The following TMEM233 variants were observed in gnomAD, a reference collection of about 807,000 sequenced individuals.
TMEM233 encodes dispanin subfamily B member 2.
TMEM233 carries 6 observed loss-of-function variants against 11.2 expected under a neutral mutation model. That is an observed-to-expected ratio of 0.54 (90% CI 0.29 to 1.06). The LOEUF is 1.06. TMEM233 is among the 50% of genes least tolerant of loss of function. The pLI is 0.08. For missense variants in TMEM233, 127 were observed against 144.7 expected (o/e 0.88, Z 0.63); for synonymous variants, 59 against 55.8 (o/e 1.06, Z -0.26).
chr12:119,595,072 C>T lies in TMEM233; in HGVS notation c.186+1038C>T, dbSNP rs1252310628. 6.6e-6 allele frequency among the ~76,000 whole-genome samples: 1 copy of T among 152,242 alleles called. No individual in the cohort carries two copies. Among genetic ancestry groups the T allele is most frequent in the Admixed American group, 6.5e-5 (1 of 15,292 alleles). ...CCGCTGGGGCCTCTAGTCCGCCCTT[C>T]CGGAGCTCAGCTCCCTAGCCCTCTT... On this transcript the variant is annotated intron_variant, in intron 1 of 2. Coordinates refer to ENST00000426426, the MANE Select transcript of TMEM233 (RefSeq NM_001136534.3). This position sits in a 1 kb window ranked among gnomAD's most constrained non-coding sequence, Gnocchi z 4.3.
At chr12:119,614,925 C>T (rs924035617) in intron 1 of TMEM233, among the ~76,000 whole-genome samples, 1 of 151,060 alleles carries the variant, frequency 6.6e-6, no homozygotes, top group Non-Finnish European at 1.5e-5. Flanking sequence ...TCCTGGCTTC[C>T]CCTTTGGCCT....
chr12:119,648,321 T>G, the TMEM233 span, among the ~76,000 whole-genome samples: 1 of 152,246 alleles, frequency 6.6e-6, no homozygotes, highest in African/African-American at 2.4e-5. Flanking sequence ...GCAGAGACCT[T>G]GTCTGTTCTG....
At chr12:119,631,856 A>G (rs1450139174) in intron 2 of TMEM233, among the ~76,000 whole-genome samples, 1 of 152,250 alleles carries the variant, frequency 6.6e-6, no homozygotes, top group East Asian at 1.9e-4. Context: ...TGGATGACCC[A>G]CAGAATGTGT....
chr12:119,615,582 G>A, intron 1 of TMEM233, among the ~76,000 whole-genome samples: 1 of 152,188 alleles, frequency 6.6e-6, no homozygotes, highest in East Asian at 1.9e-4. Flanking sequence ...TGGGAACCAT[G>A]AATACAGGGA....
At chr12:119,607,940 A>G (rs944283464) in intron 1 of TMEM233, among the ~76,000 whole-genome samples, 9 of 152,212 alleles carry the variant, frequency 5.9e-5, no homozygotes, top group African/African-American at 1.9e-4. Flanking sequence ...TCTAAATCAT[A>G]TATCATTCCA....
intron 1 of TMEM233, among the ~76,000 whole-genome samples, chr12:119,608,590 G>C (rs1954332073): frequency 6.6e-6 from 1 of 152,192 alleles, no homozygotes; most frequent in Non-Finnish European, 1.5e-5. Flanking sequence ...CTGCCGCCAT[G>C]GTTAAGAAGC....
chr12:119,625,868 T>C (rs1357516461), intron 1 of TMEM233, among the ~76,000 whole-genome samples: 2 of 152,202 alleles, frequency 1.3e-5, no homozygotes, highest in Non-Finnish European at 2.9e-5. Context: ...TCAAGAAATT[T>C]AACATTATTA....
At chr12:119,631,825 A>C (rs1489993268) in intron 2 of TMEM233, 1 of 209,246 alleles carries the variant, frequency 4.8e-6, no homozygotes, top group Non-Finnish European at 8.3e-6. Context: ...CCCATTTCAT[A>C]AAGCTATTGT....
chr12:119,595,216 C>A lies in TMEM233; in HGVS notation c.186+1182C>A, dbSNP rs550343266. 1.7e-3 allele frequency among the ~76,000 whole-genome samples: 265 copies of A among 152,322 alleles called. 3 individuals carry two copies. The highest frequency in any genetic ancestry group is 1.3e-4 in the Non-Finnish European group (9 of 68,028). On this transcript the variant is annotated intron_variant, in intron 1 of 2. Coordinates refer to ENST00000426426, the MANE Select transcript of TMEM233 (RefSeq NM_001136534.3). This position sits in a 1 kb window ranked among gnomAD's most constrained non-coding sequence, Gnocchi z 4.3. Reference sequence around the variant, plus strand: ...GGTGGCGGCGGGGTGAGGTTCGTACCGGCACTGTCCCGGGACAACCCTTGC... The same window carrying A: ...GGTGGCGGCGGGGTGAGGTTCGTACAGGCACTGTCCCGGGACAACCCTTGC...
At chr12:119,640,552 C>A in intron 2 of TMEM233, 147 bp from the exon 3 acceptor site, 1 of 830,268 alleles carries the variant, frequency 1.2e-6, no homozygotes, top group South Asian at 1.5e-5. Context: ...TGCTTAGAGT[C>A]AAAAGTGTGC....
At chr12:119,650,071 T>C in the TMEM233 span, among the ~76,000 whole-genome samples, 1 of 148,192 alleles carries the variant, frequency 6.7e-6, no homozygotes, top group Non-Finnish European at 1.5e-5. Flanking sequence ...GGCAGGAGAA[T>C]GGCGTGAACC....
intron 1 of TMEM233, among the ~76,000 whole-genome samples, chr12:119,615,183 A>AAAAAAAAAAAC (rs1954498826): frequency 7.1e-6 from 1 of 141,124 alleles, no homozygotes; most frequent in African/African-American, 2.9e-5. Context: ...TAAAAAAAAA[A>AAAAAAAAAAAC]AAAAAAAAAA....
At chr12:119,604,253 A>C (rs1954220976) in intron 1 of TMEM233, among the ~76,000 whole-genome samples, 1 of 152,212 alleles carries the variant, frequency 6.6e-6, no homozygotes, top group African/African-American at 2.4e-5. Context: ...TTTACCAAAA[A>C]AGGTACAGGT....
chr12:119,629,422 A>G (rs1954831485), intron 1 of TMEM233, among the ~76,000 whole-genome samples: 2 of 151,522 alleles, frequency 1.3e-5, no homozygotes. Flanking sequence ...AAAAAAAAAG[A>G]AAAGATAAAA....
At chr12:119,640,660 C>T (rs1392190538) in intron 2 of TMEM233, 39 bp from the exon 3 acceptor site, 1 of 1,548,450 alleles carries the variant, frequency 6.5e-7, no homozygotes, top group Non-Finnish European at 8.7e-7. Context: ...AAGCTCAGCC[C>T]ACGGTCTTTC....
the TMEM233 span, among the ~76,000 whole-genome samples, chr12:119,653,454 C>G: frequency 7.5e-5 from 11 of 145,970 alleles, no homozygotes; most frequent in Admixed American, 7.5e-4. Flanking sequence ...CTGTGATAGT[C>G]AAGAGAAAAA....
chr12:119,616,753 G>C (rs570385266), intron 1 of TMEM233, among the ~76,000 whole-genome samples: 60 of 152,290 alleles, frequency 3.9e-4, no homozygotes, highest in African/African-American at 1.4e-3. Context: ...AACCCAGTGG[G>C]AGGTAATTGA....
At position 119,640,715 on chromosome 12, in the gene TMEM233, G is replaced by T; in HGVS notation, c.*10G>T. On this transcript the variant is annotated 3_prime_UTR_variant, in exon 3 of 3. Transcript: ENST00000426426. ...ACCACACAGTGCCTGAGGAACCAGC[G>T]GTCAGTGGGCTGTGAGCGTGGAGGA... The T allele has an allele frequency of 6.4e-7, 1 of 1,550,862 alleles. No individual in the cohort carries two copies. Among genetic ancestry groups the T allele is most frequent in the Non-Finnish European group, 8.7e-7 (1 of 1,146,962 alleles).
intron 1 of TMEM233, among the ~76,000 whole-genome samples, chr12:119,629,257 A>C (rs1457281566): frequency 6.6e-6 from 1 of 152,192 alleles, no homozygotes; most frequent in Non-Finnish European, 1.5e-5. Context: ...TAAAAATACA[A>C]AAATTAGCCA....
Sources: gnomAD v4.1 joint callset for allele counts (sites outside exome capture counted in the v4.1 genomes callset) on GRCh38, gnomAD v4.1.1 for gene constraint, Gnocchi (gnomAD v3.1) non-coding constraint, MANE v1.5 for transcripts, NCBI Gene and HGNC (gene_info 2026-07-23, HGNC 2026-07-21) for gene names.